The following F5 variants were observed in gnomAD, a reference collection of about 807,000 sequenced individuals.
F5 encodes the protein coagulation factor V.
Under a neutral mutation model 216.4 loss-of-function variants are expected in F5, and 138 were observed. The observed-to-expected ratio is 0.64, with a 90% CI of 0.56 to 0.73. F5 has a LOEUF of 0.73. F5 is among the 30% of genes least tolerant of loss of function. The pLI is 0.00. For missense variants in F5, 2,403 were observed against 2,674.0 expected, an observed-to-expected ratio of 0.90 and a Z score of 2.24; for synonymous variants, 916 against 930.7, an observed-to-expected ratio of 0.98 and a Z score of 0.29.
At chr1:169,518,280 G>T in intron 23 of F5, 132 bp downstream of exon 23, 3 of 1,077,330 alleles carry the variant, frequency 2.8e-6, no homozygotes, top group East Asian at 2.4e-5. Context: ...CTGGACTCTT[G>T]GACCTAGGAT....
intron 2 of F5, among the ~76,000 whole-genome samples, chr1:169,578,372 A>C (rs16862377): frequency 0.11 from 16,277 of 152,250 alleles, 1,169 homozygotes; most frequent in African/African-American, 0.19. Flanking sequence ...GAAATCACTA[A>C]AAAATTTAAT....
intron 3 of F5, 122 bp from the exon 4 acceptor site, chr1:169,560,888 AC>A: frequency 1.2e-6 from 1 of 817,652 alleles, no homozygotes; most frequent in Admixed American, 2.0e-5. Flanking sequence ...TCAATAGTGA[AC>A]TTTTATTATT....
rs1284361290 is a variant in F5 at position 169,540,824 on chromosome 1, T to A, written c.4266A>T (p.Pro1422=). Residue 1422 remains proline (P), a synonymous_variant, in exon 13 of 25, where the codon CCA becomes CCT. Transcript: ENST00000367797. ...GGGAAAGGGACATCTGACCAAAGTT[T>A]GGGGAAAGATCTGTCTCACCAAGGT... ...SPDLGETDLS[P]NFGQMSLSPD... is the part of the protein sequence containing the mutation. 1 of 1,613,566 alleles carries A rather than the reference T, an allele frequency of 6.2e-7. No individual in the cohort carries two copies. The highest frequency in any genetic ancestry group is 1.3e-5 in the African/African-American group (1 of 74,760).
chr1:169,548,607 C>T (rs1359354952), intron 10 of F5, among the ~76,000 whole-genome samples: 2 of 152,124 alleles, frequency 1.3e-5, no homozygotes, highest in Non-Finnish European at 2.9e-5. Flanking sequence ...GTGGCTCACA[C>T]CTGTAATACC....
intron 22 of F5, among the ~76,000 whole-genome samples, chr1:169,518,930 A>G (rs546100649): frequency 6.0e-4 from 91 of 152,320 alleles, no homozygotes; most frequent in Admixed American, 9.2e-4. Flanking sequence ...CTTTCAGGTG[A>G]CAATAATCCT....
intron 24 of F5, among the ~76,000 whole-genome samples, chr1:169,514,812 A>C (rs1205682304): frequency 6.6e-6 from 1 of 152,172 alleles, no homozygotes; most frequent in Non-Finnish European, 1.5e-5. Context: ...GACTTAAATT[A>C]GTGAAAAATA....
rs549965093 is a variant in F5, at chr1:169,542,521, A to G, written c.2569T>C (p.Phe857Leu). The G allele has an allele frequency of 6.2e-7, 1 of 1,614,044 alleles. No homozygotes were observed. The highest frequency in any genetic ancestry group is 8.5e-7 in the Non-Finnish European group (1 of 1,179,968). ...TGCTTAGCATGTTCTTGACTTTTGAATTCTCCAGCACCAAGTGAAAGTAGA... is the reference window on the plus strand; with the variant it reads ...TGCTTAGCATGTTCTTGACTTTTGAGTTCTCCAGCACCAAGTGAAAGTAGA... Reference protein sequence around the residue: ...IRLLSLGAGEFKSQEHAKHKG... With the variant: ...IRLLSLGAGELKSQEHAKHKG... Residue 857 changes from phenylalanine (F) to leucine (L), a missense_variant, in exon 13 of 25, where the codon TTC becomes CTC. Coordinates refer to ENST00000367797, the MANE Select transcript of F5 (RefSeq NM_000130.5).
chr1:169,568,224 T>A (rs1454382936), intron 3 of F5, among the ~76,000 whole-genome samples: 1 of 152,142 alleles, frequency 6.6e-6, no homozygotes, highest in East Asian at 1.9e-4. Flanking sequence ...ATGAATGATG[T>A]TAATTAAGTT....
chr1:169,546,789 A>G (rs1207388122), intron 10 of F5, among the ~76,000 whole-genome samples, 197 bp from the exon 11 acceptor site: 1 of 151,956 alleles, frequency 6.6e-6, no homozygotes, highest in Non-Finnish European at 1.5e-5. Flanking sequence ...TTGAAACTGG[A>G]CCCCTTTCTT....
intron 10 of F5, among the ~76,000 whole-genome samples, chr1:169,546,976 AAAAAAAAGAAAAG>A (rs1660020641): frequency 7.1e-6 from 1 of 140,902 alleles, no homozygotes. Flanking sequence ...TAAAAAAAAA[AAAAAAAAGAAAAG>A]AAAAGAAAAG....
At chr1:169,578,225 C>T (rs879441906) in intron 2 of F5, among the ~76,000 whole-genome samples, 13 of 152,296 alleles carry the variant, frequency 8.5e-5, no homozygotes, top group South Asian at 4.1e-4. Flanking sequence ...AAATGGACGT[C>T]GAAACACCTT....
At chr1:169,550,522 C>T (rs1571582363) in intron 9 of F5, 118 bp downstream of exon 9, 9 of 776,986 alleles carry the variant, frequency 1.2e-5, no homozygotes, top group Admixed American at 1.9e-5. Flanking sequence ...TTAGGATACT[C>T]CTACATGTAT....
chr1:169,553,682 A>C (rs763668720), intron 7 of F5, among the ~76,000 whole-genome samples: 3 of 152,270 alleles, frequency 2.0e-5, no homozygotes, highest in Non-Finnish European at 4.4e-5. Context: ...AGATTGCGCC[A>C]CTGCACTCCA....
At chr1:169,582,641 G>C in intron 1 of F5, 119 bp from the exon 2 acceptor site, 1 of 545,034 alleles carries the variant, frequency 1.8e-6, no homozygotes, top group Non-Finnish European at 3.3e-6. Flanking sequence ...TATCTTTATT[G>C]TATTTCAGAA....
chr1:169,565,958 T>G (rs2236869), intron 3 of F5, among the ~76,000 whole-genome samples: 41,601 of 152,062 alleles, frequency 0.27, 6,038 homozygotes, highest in South Asian at 0.36. Flanking sequence ...TCCTGTAAGT[T>G]ATAACATAAT....
chr1:169,527,283 A>G (rs1049986360), intron 17 of F5, among the ~76,000 whole-genome samples: 2 of 152,166 alleles, frequency 1.3e-5, no homozygotes, highest in Non-Finnish European at 2.9e-5. Context: ...AGGTTTTTAT[A>G]CTGCTGCACA....
intron 9 of F5, 80 bp from the exon 10 acceptor site, chr1:169,550,095 G>T: frequency 1.7e-6 from 2 of 1,149,414 alleles, no homozygotes; most frequent in South Asian, 1.3e-5. Flanking sequence ...GCTTTCGCTG[G>T]AACCAATTAA....
At chr1:169,536,745 T>C in intron 13 of F5, 65 bp from the exon 14 acceptor site, 1 of 1,334,088 alleles carries the variant, frequency 7.5e-7, no homozygotes, top group Non-Finnish European at 1.1e-6. Context: ...TTTAGGAAAT[T>C]GTCTCTTTCT....
intron 14 of F5, among the ~76,000 whole-genome samples, chr1:169,531,457 C>A (rs898226491): frequency 1.3e-5 from 2 of 152,156 alleles, no homozygotes; most frequent in Non-Finnish European, 2.9e-5. Flanking sequence ...CCTGGAGGAA[C>A]AATTTGGTTG....
Sources: allele counts gnomAD v4.1 joint callset (sites outside exome capture counted in the v4.1 genomes callset), GRCh38; gene constraint gnomAD v4.1.1; transcripts MANE v1.5; gene names NCBI Gene and HGNC (gene_info 2026-07-23, HGNC 2026-07-21).